Variants in CLASP2 observed in about 807,000 individuals in gnomAD.
CLASP2 encodes the protein CLIP-associating protein 2.
CLASP2 carries 47 observed loss-of-function variants against 194.4 expected under a neutral mutation model. That is an observed-to-expected ratio of 0.24 (90% confidence interval 0.19 to 0.31). CLASP2 has a LOEUF of 0.31. Among genes scored for constraint, CLASP2 ranks in the 10% least tolerant of loss-of-function variants. The pLI, the probability that CLASP2 is intolerant of heterozygous loss-of-function variation, is 1.00. For missense variants in CLASP2, 1,445 were observed against 1,823.6 expected (o/e 0.79, Z 3.78); for synonymous variants, 619 against 633.5 (o/e 0.98, Z 0.34).
chr3:33,604,123 G>A, intron 17 of CLASP2, 31 bp downstream of exon 17: 3 of 1,481,638 alleles, frequency 2.0e-6, no homozygotes, highest in Non-Finnish European at 2.8e-6. Flanking sequence ...AGATAAAATA[G>A]GTTATAACTC....
intron 19 of CLASP2, 128 bp downstream of exon 19, chr3:33,596,583 A>G (rs371893078): frequency 1.5e-4 from 112 of 768,816 alleles, no homozygotes; most frequent in Middle Eastern, 3.8e-4. Context: ...CCATTTTCAC[A>G]TTAACATTAT....
At position 33,543,461 on chromosome 3, in the gene CLASP2, T is replaced by C. The variant is rs2058693458; in HGVS notation, c.3376A>G (p.Asn1126Asp). ...GGAGATAAAGTATTCTGTGATGTAT[T>C]GGTAGGAGAAGTAAGAGGACTGGAC... The part of the protein sequence containing the change: ...NWSSPLTSPT[N>D]TSQNTLSPSA... Residue 1126 changes from asparagine to aspartate, a missense_variant, in exon 32 of 39, where the codon AAT becomes GAT. Around this residue, in one of 4 missense-constraint regions of CLASP2, gnomAD observed 732 missense variants for 987.9 expected, o/e 0.74. Coordinates refer to ENST00000682230, the MANE Select transcript of CLASP2 (RefSeq NM_001365631.1). 2 of 1,608,792 alleles carry C rather than the reference T, an allele frequency of 1.2e-6. No homozygotes were observed. Among genetic ancestry groups the C allele is most frequent in the Non-Finnish European group, 1.7e-6 (2 of 1,175,278 alleles).
At chr3:33,708,274 A>T (rs2092790870) in intron 1 of CLASP2, among the ~76,000 whole-genome samples, 1 of 150,578 alleles carries the variant, frequency 6.6e-6, no homozygotes. Flanking sequence ...GTTACTATCT[A>T]TAAATTTGAC....
intron 12 of CLASP2, among the ~76,000 whole-genome samples, chr3:33,616,842 AT>A (rs1307890356): frequency 2.3e-4 from 34 of 150,532 alleles, no homozygotes. Flanking sequence ...AGTTCAAGCA[AT>A]ACTCCTGCCT....
At chr3:33,532,976 T>C (rs1002047053) in intron 34 of CLASP2, among the ~76,000 whole-genome samples, 76 of 152,320 alleles carry the variant, frequency 5.0e-4, no homozygotes, top group African/African-American at 1.6e-3. Context: ...AAATGTTTCA[T>C]GAAGAAAAAG....
intron 7 of CLASP2, among the ~76,000 whole-genome samples, chr3:33,656,978 C>T (rs1400252871): frequency 2.6e-5 from 4 of 151,974 alleles, no homozygotes; most frequent in South Asian, 4.1e-4. Flanking sequence ...AGACATGCTA[C>T]GTATTAATAA....
At chr3:33,628,860 T>C (rs2078533674) in intron 9 of CLASP2, among the ~76,000 whole-genome samples, 1 of 151,792 alleles carries the variant, frequency 6.6e-6, no homozygotes, top group South Asian at 2.1e-4. Flanking sequence ...AACAGGCAAG[T>C]AGAGAAGGAT....
intron 34 of CLASP2, among the ~76,000 whole-genome samples, chr3:33,525,158 C>A (rs1029160516): frequency 5.3e-5 from 8 of 152,056 alleles, no homozygotes; most frequent in African/African-American, 1.7e-4. Flanking sequence ...AATTAAACAA[C>A]ACACTCTTAA....
At chr3:33,699,821 A>G (rs2092240793) in intron 1 of CLASP2, among the ~76,000 whole-genome samples, 1 of 151,460 alleles carries the variant, frequency 6.6e-6, no homozygotes, top group South Asian at 2.1e-4. Context: ...ACTACAACTG[A>G]CCACAGGTAA....
At chr3:33,508,304 C>A (rs975180258) in intron 37 of CLASP2, among the ~76,000 whole-genome samples, 4 of 151,960 alleles carry the variant, frequency 2.6e-5, no homozygotes, top group Admixed American at 2.6e-4. Flanking sequence ...CAGGTGTGAG[C>A]TACCACACAC....
chr3:33,520,925 A>C (rs565797991), intron 34 of CLASP2, among the ~76,000 whole-genome samples: 1 of 152,034 alleles, frequency 6.6e-6, no homozygotes, highest in South Asian at 2.1e-4. Flanking sequence ...CAGTGAGTAC[A>C]TCTAGAGTCC....
intron 6 of CLASP2, among the ~76,000 whole-genome samples, chr3:33,676,889 C>T (rs1225222242): frequency 7.2e-5 from 11 of 152,100 alleles, no homozygotes; most frequent in African/African-American, 1.9e-4. Flanking sequence ...AAAAAGTGGG[C>T]GAAGGATATG....
Position 33,696,159 on chromosome 3 carries a change from GT to G in CLASP2, c.274+695del, listed in dbSNP as rs1011061009. On this transcript the variant is annotated intron_variant, in intron 2 of 38. Transcript: ENST00000682230. The stretch of plus-strand genomic sequence containing the variant: ...ATCTAATGATAAAAAATTGGGTCTT[GT>G]TTTTTTTTTCATTTAATTTTGCTAT... Among the ~76,000 whole-genome samples, 25 of 144,426 alleles carry G rather than the reference GT, an allele frequency of 1.7e-4. 1 individual carries two copies. The highest frequency in any genetic ancestry group is 3.6e-3 in the Middle Eastern group (1 of 278). The allele number at this position is 144,426 out of a possible 152,430, so 94.7% of individuals were successfully genotyped here. A position where few individuals can be genotyped will look rare whatever the true frequency, so the allele number is the denominator to read the frequency against.
At chr3:33,627,828 T>G (rs1488028341) in intron 9 of CLASP2, among the ~76,000 whole-genome samples, 2 of 152,122 alleles carry the variant, frequency 1.3e-5, no homozygotes, top group Non-Finnish European at 2.9e-5. Context: ...AGCTAAAGAA[T>G]GTGTAGGATA....
intron 32 of CLASP2, among the ~76,000 whole-genome samples, chr3:33,540,960 A>G (rs2058253897): frequency 6.6e-6 from 1 of 151,994 alleles, no homozygotes; most frequent in African/African-American, 2.4e-5. Context: ...ATTAGTAGAG[A>G]TGGGGTTTTG....
chr3:33,593,601 C>T (rs1004225372), intron 20 of CLASP2, among the ~76,000 whole-genome samples: 1 of 152,046 alleles, frequency 6.6e-6, no homozygotes, highest in African/African-American at 2.4e-5. Context: ...TGGTAGAATA[C>T]CAGCATACTA....
Position 33,496,289 on chromosome 3 carries a change from C to G in CLASP2, c.*2342G>C. On this transcript the variant is annotated 3_prime_UTR_variant, in exon 39 of 39. Coordinates refer to ENST00000682230, the MANE Select transcript of CLASP2 (RefSeq NM_001365631.1). ...TAATTTTAATTAGTTCTCAGCAGTG[C>G]AGTAAATGAACAACACTTATTAATA... 1 of 152,066 alleles carries G rather than the reference C, an allele frequency of 6.6e-6. No homozygotes were observed. Among genetic ancestry groups the G allele is most frequent in the East Asian group, 1.9e-4 (1 of 5,194 alleles). 9.4% of individuals were successfully genotyped at this position (152,066 alleles called of 1,614,324 possible).
At chr3:33,713,761 G>GCAGTCT (rs2093152713) in intron 1 of CLASP2, among the ~76,000 whole-genome samples, 1 of 151,892 alleles carries the variant, frequency 6.6e-6, no homozygotes, top group African/African-American at 2.4e-5. Flanking sequence ...ACGGCTCACT[G>GCAGTCT]CAGTCTCAAT....
chr3:33,507,685 T>C (rs2048653668), intron 37 of CLASP2, among the ~76,000 whole-genome samples: 1 of 152,226 alleles, frequency 6.6e-6, no homozygotes, highest in Admixed American at 6.5e-5. Flanking sequence ...TTTCTTATTA[T>C]GTTGCTTAGG....
Sources: gnomAD v4.1 joint callset for allele counts (sites outside exome capture counted in the v4.1 genomes callset) on GRCh38, gnomAD v4.1.1 for gene constraint, gnomAD v4.1.1 regional missense constraint, MANE v1.5 for transcripts, NCBI Gene and HGNC (gene_info 2026-07-23, HGNC 2026-07-21) for gene names.